The following DAB2IP variants were observed in gnomAD, a reference collection of about 807,000 sequenced individuals.
The protein encoded by DAB2IP is disabled homolog 2-interacting protein.
DAB2IP carries 28 observed loss-of-function variants against 107.2 expected under a neutral mutation model. The observed-to-expected ratio is 0.26, with a 90% CI of 0.19 to 0.36. The LOEUF is 0.36. Among genes scored for constraint, DAB2IP ranks in the 10% least tolerant of loss-of-function variants. The pLI, the probability that DAB2IP is intolerant of heterozygous loss-of-function variation, is 1.00. For synonymous variants in DAB2IP, 755 were observed against 706.4 expected (o/e 1.07, Z -1.09); for missense variants, 1,400 against 1,644.7 (o/e 0.85, Z 2.57).
intron 10 of DAB2IP, 76 bp downstream of exon 10, chr9:121,768,709 C>T: frequency 6.4e-7 from 1 of 1,570,806 alleles, no homozygotes; most frequent in Non-Finnish European, 8.7e-7. Flanking sequence ...CCAGAGTAAC[C>T]ATGGAGGGCA....
intron 9 of DAB2IP, among the ~76,000 whole-genome samples, chr9:121,767,026 A>G (rs569890955): frequency 1.6e-4 from 24 of 152,346 alleles, no homozygotes; most frequent in African/African-American, 5.5e-4. Flanking sequence ...GGATTCTCAC[A>G]TATCCCTTAA....
chr9:121,670,039 C>T (rs769436840), intron 1 of DAB2IP, among the ~76,000 whole-genome samples: 11 of 152,192 alleles, frequency 7.2e-5, no homozygotes, highest in Non-Finnish European at 1.6e-4. Flanking sequence ...GAAGATGTCG[C>T]TTGTGCTCCC....
intron 1 of DAB2IP, among the ~76,000 whole-genome samples, chr9:121,639,669 T>A (rs1832211215): frequency 6.6e-6 from 1 of 152,082 alleles, no homozygotes; most frequent in Admixed American, 6.5e-5. Flanking sequence ...AGTTTGCCCA[T>A]CTGTACCATG....
intron 6 of DAB2IP, among the ~76,000 whole-genome samples, chr9:121,761,558 A>G (rs1477838863): frequency 6.6e-6 from 1 of 152,146 alleles, no homozygotes; most frequent in African/African-American, 2.4e-5. Context: ...CATGGCTGGA[A>G]GCCTCAGCAG....
Position 121,760,573 on chromosome 9 carries a change from A to C in DAB2IP, c.1170+134A>C. 2 of 1,111,268 alleles carry C rather than the reference A, an allele frequency of 1.8e-6. No individual in the cohort carries two copies. The highest frequency in any genetic ancestry group is 2.5e-6 in the Non-Finnish European group (2 of 806,314). The allele number at this position is 1,111,268 out of a possible 1,614,324, so 68.8% of individuals were successfully genotyped here. A position where few individuals can be genotyped will look rare whatever the true frequency, so the allele number is the denominator to read the frequency against. On this transcript the variant is annotated intron_variant, in intron 6 of 15. Transcript: ENST00000408936. This position sits in a 1 kb window ranked among gnomAD's most constrained non-coding sequence, Gnocchi z 5.9. ...GGTCACTACCAGAAGGGCTCCCTAAACCCAAAAGTTCTATCGTGGGCTGGG... is the reference window on the plus strand; with the variant it reads ...GGTCACTACCAGAAGGGCTCCCTAACCCCAAAAGTTCTATCGTGGGCTGGG...
intron 3 of DAB2IP, among the ~76,000 whole-genome samples, chr9:121,700,732 A>G (rs1006124989): frequency 6.6e-6 from 1 of 152,098 alleles, no homozygotes; most frequent in Non-Finnish European, 1.5e-5. Flanking sequence ...GAATGGCTAG[A>G]CGTTTAATTT....
At chr9:121,744,417 CAG>C (rs1050664308) in intron 3 of DAB2IP, among the ~76,000 whole-genome samples, 37 of 152,304 alleles carry the variant, frequency 2.4e-4, no homozygotes, top group Admixed American at 6.5e-4. Flanking sequence ...GAAAAAAAGT[CAG>C]AGGAAGGATT....
intron 3 of DAB2IP, among the ~76,000 whole-genome samples, chr9:121,754,450 CT>C (rs1833338547): frequency 6.6e-6 from 1 of 152,216 alleles, no homozygotes; most frequent in Non-Finnish European, 1.5e-5. Context: ...TGCCCTGCCC[CT>C]ATTCCTCTTC....
At chr9:121,712,331 T>TA (rs1830375429) in intron 3 of DAB2IP, among the ~76,000 whole-genome samples, 1 of 152,238 alleles carries the variant, frequency 6.6e-6, no homozygotes, top group South Asian at 2.1e-4. Flanking sequence ...CCTTTTTCTC[T>TA]GAAGTGTGAT....
intron 3 of DAB2IP, among the ~76,000 whole-genome samples, chr9:121,745,358 C>G (rs1213319092): frequency 2.0e-5 from 3 of 152,266 alleles, no homozygotes; most frequent in East Asian, 3.9e-4. Flanking sequence ...GACATGGTGT[C>G]TGAGTTTCTG....
chr9:121,749,457 A>T (rs554171981), intron 3 of DAB2IP, among the ~76,000 whole-genome samples: 1 of 152,300 alleles, frequency 6.6e-6, no homozygotes, highest in Non-Finnish European at 1.5e-5. Flanking sequence ...TGACTGCAGA[A>T]CCATCAGGTC....
chr9:121,718,619 T>C (rs1830747529), intron 3 of DAB2IP, among the ~76,000 whole-genome samples: 1 of 152,188 alleles, frequency 6.6e-6, no homozygotes, highest in Non-Finnish European at 1.5e-5. Flanking sequence ...GCTGTGACTT[T>C]AGAGAACTTA....
chr9:121,571,744 TAGCAGGCAGGACTG>T (rs1414769717), intron 1 of DAB2IP, among the ~76,000 whole-genome samples: 5 of 151,842 alleles, frequency 3.3e-5, no homozygotes, highest in African/African-American at 1.2e-4. Flanking sequence ...CTAAGCCTCT[TAGCAGGCAGGACTG>T]AGCAGAGCCC....
chr9:121,746,471 C>T (rs1316167539), intron 3 of DAB2IP, among the ~76,000 whole-genome samples: 1 of 152,210 alleles, frequency 6.6e-6, no homozygotes, highest in Non-Finnish European at 1.5e-5. Flanking sequence ...AGCTGGGGCT[C>T]TGCGGACAAA....
At chr9:121,681,265 C>A (rs1370320705) in intron 2 of DAB2IP, among the ~76,000 whole-genome samples, 2 of 152,212 alleles carry the variant, frequency 1.3e-5, no homozygotes, top group Admixed American at 6.5e-5. Flanking sequence ...CCCACACCCC[C>A]CCAGAACCCC....
In DAB2IP at chr9:121,782,869, G is replaced by A. The variant is rs1835761972; in HGVS notation, c.*371G>A. 4.8e-6 allele frequency: 5 copies of A among 1,050,282 alleles called. No individual in the cohort carries two copies. Among genetic ancestry groups the A allele is most frequent in the Non-Finnish European group, 5.7e-6 (5 of 871,228 alleles). The allele number at this position is 1,050,282 out of a possible 1,614,324, so 65.1% of individuals were successfully genotyped here. ...TCCCCCCACACCTGTGCCAGGGAGG[G>A]GGCTTCCTGGAGGGGGGATTCAAGG... On this transcript the variant is annotated 3_prime_UTR_variant, in exon 16 of 16. Coordinates refer to ENST00000408936, the Ensembl canonical transcript of DAB2IP. This position sits in a 1 kb window ranked among gnomAD's most constrained non-coding sequence, Gnocchi z 6.1.
chr9:121,718,590 C>G (rs1830745265), intron 3 of DAB2IP, among the ~76,000 whole-genome samples: 1 of 152,202 alleles, frequency 6.6e-6, no homozygotes, highest in Non-Finnish European at 1.5e-5. Context: ...GGTTGAAATT[C>G]CAGCTCTGCC....
At chr9:121,622,047 GGC>G (rs1831492554) in intron 1 of DAB2IP, among the ~76,000 whole-genome samples, 1 of 140,142 alleles carries the variant, frequency 7.1e-6, no homozygotes, top group African/African-American at 2.7e-5. Flanking sequence ...GGAGTGCAGT[GGC>G]GCGATCTCAG....
At position 121,646,513 on chromosome 9, in the gene DAB2IP, C is replaced by T. The variant is rs189564804; in HGVS notation, c.41-32165C>T. The stretch of plus-strand genomic sequence containing the variant: ...CACCCCCCCCACCCCGACCCTCTGT[C>T]CCCCCCACCCCCACCCCTGCCCAGA... On this transcript the variant is annotated intron_variant, in intron 1 of 16. Coordinates refer to the DAB2IP transcript ENST00000259371. 7.4e-3 allele frequency among the ~76,000 whole-genome samples: 781 copies of T among 106,158 alleles called. 5 individuals carry two copies. Among genetic ancestry groups the T allele is most frequent in the Middle Eastern group, 0.031 (7 of 224 alleles). The allele number at this position is 106,158 out of a possible 152,430, so 69.6% of individuals were successfully genotyped here.
Sources: allele counts gnomAD v4.1 joint callset (sites outside exome capture counted in the v4.1 genomes callset), GRCh38; gene constraint gnomAD v4.1.1; non-coding constraint Gnocchi (gnomAD v3.1); transcripts MANE v1.5; gene names NCBI Gene and HGNC (gene_info 2026-07-23, HGNC 2026-07-21).